LNX1: variants seen among roughly 807,000 people sequenced by gnomAD.
LNX1 encodes the protein E3 ubiquitin-protein ligase LNX.
LNX1 carries 54 observed loss-of-function variants against 68.4 expected under a neutral mutation model. The ratio of observed to expected loss-of-function variants is 0.79; its 90% confidence interval spans 0.63 to 0.99. The LOEUF is 0.99. Ranked by LOEUF, LNX1 falls within the 50% of genes least tolerant of loss-of-function variation. The pLI is 0.00. For synonymous variants in LNX1, 336 were observed against 350.0 expected (o/e 0.96, Z 0.45); for missense variants, 906 against 926.4 (o/e 0.98, Z 0.29).
chr4:53,485,059 G>A (rs955983728), intron 6 of LNX1, among the ~76,000 whole-genome samples: 1 of 152,224 alleles, frequency 6.6e-6, no homozygotes, highest in African/African-American at 2.4e-5. Flanking sequence ...CTGACATGAA[G>A]AACGATGGAA....
At chr4:53,514,810 C>T (rs1316131239) in intron 2 of LNX1, among the ~76,000 whole-genome samples, 1 of 152,158 alleles carries the variant, frequency 6.6e-6, no homozygotes, top group Admixed American at 6.5e-5. Context: ...TGTACTCAGA[C>T]TTTTCAAGCT....
intron 2 of LNX1, among the ~76,000 whole-genome samples, chr4:53,570,862 CTAAAA>C (rs1224399238): frequency 1.3e-5 from 2 of 151,460 alleles, no homozygotes; most frequent in Non-Finnish European, 1.5e-5. Context: ...CCCGTCTCTA[CTAAAA>C]GCACAAAAAA....
In LNX1 at chr4:53,591,372, G is replaced by A. The variant is rs1732496545; in HGVS notation, c.-87+16C>T. ...GTCTAAATGCCAAGAGAGAAAAATG[G>A]AGGGTTTCAACTCACCTCTTCAAGC... On this transcript the variant is annotated intron_variant, in intron 1 of 10. Coordinates refer to ENST00000263925, the MANE Select transcript of LNX1 (RefSeq NM_001126328.3). The A allele has an allele frequency of 1.0e-6, 1 of 985,174 alleles. No homozygotes were observed. The highest frequency in any genetic ancestry group is 1.7e-5 in the African/African-American group (1 of 57,198). 61.0% of individuals were successfully genotyped at this position (985,174 alleles called of 1,614,324 possible).
rs753747128 is a variant in LNX1, at chr4:53,496,360, T to C, written c.1013A>G (p.Asn338Ser). Reference sequence around the variant, plus strand: ...CTGCCGCAGGAGACGCACAGCGTAGTTGTGAGGGACATTGCTGATGTCCAT... The same window carrying C: ...CTGCCGCAGGAGACGCACAGCGTAGCTGTGAGGGACATTGCTGATGTCCAT... The part of the protein sequence containing the change: ...NGMDISNVPH[N>S]YAVRLLRQPC... Residue 338 changes from asparagine (N) to serine (S), a missense_variant, in exon 6 of 11, where the codon AAC becomes AGC. Asn to Ser is a conservative substitution (Grantham distance 46). Coordinates refer to ENST00000263925, the MANE Select transcript of LNX1 (RefSeq NM_001126328.3). The C allele has an allele frequency of 1.9e-6, 3 of 1,613,706 alleles. No individual in the cohort carries two copies. The Admixed American group carries it at 5.0e-5, about 27-fold the overall frequency.
chr4:53,494,353 C>CT (rs1024430143), intron 6 of LNX1, among the ~76,000 whole-genome samples: 8 of 152,186 alleles, frequency 5.3e-5, no homozygotes, highest in African/African-American at 1.9e-4. Flanking sequence ...TAAACCTCTT[C>CT]TTTTTAAATT....
chr4:53,608,338 A>G (rs1033678185), intron 2 of LNX1, among the ~76,000 whole-genome samples: 2 of 152,242 alleles, frequency 1.3e-5, no homozygotes, highest in African/African-American at 4.8e-5. Flanking sequence ...GAAGACATAC[A>G]AGCAGTCAAC....
intron 2 of LNX1, among the ~76,000 whole-genome samples, chr4:53,534,549 G>A (rs566289147): frequency 3.7e-4 from 56 of 152,230 alleles, no homozygotes; most frequent in African/African-American, 1.3e-3. Context: ...GGCTGAGGTG[G>A]GAGGATCACT....
intron 1 of LNX1, among the ~76,000 whole-genome samples, chr4:53,639,871 A>G (rs948673594): frequency 1.3e-5 from 2 of 152,112 alleles, no homozygotes; most frequent in Admixed American, 1.3e-4. Context: ...GTCTCTACTA[A>G]AAATAAAAAA....
intron 6 of LNX1, among the ~76,000 whole-genome samples, chr4:53,484,799 C>T (rs1403260141): frequency 6.6e-6 from 1 of 152,114 alleles, no homozygotes; most frequent in Admixed American, 6.5e-5. Context: ...AATGGATGAT[C>T]GGCCAGGTGA....
chr4:53,496,586 C>T, intron 5 of LNX1, 192 bp from the exon 6 acceptor site: 2 of 586,760 alleles, frequency 3.4e-6, no homozygotes, highest in South Asian at 2.6e-5. Flanking sequence ...CCTGCAGCAC[C>T]TCTCCAGGCC....
intron 2 of LNX1, among the ~76,000 whole-genome samples, chr4:53,508,567 T>C (rs1320171858): frequency 6.6e-6 from 1 of 152,232 alleles, no homozygotes; most frequent in East Asian, 1.9e-4. Context: ...TGGTAATTCC[T>C]GCTTGCTGGT....
At chr4:53,507,531 A>C in intron 3 of LNX1, 62 bp from the exon 4 acceptor site, 1 of 1,535,650 alleles carries the variant, frequency 6.5e-7, no homozygotes, top group Non-Finnish European at 9.0e-7. Flanking sequence ...ATTTATGTAC[A>C]TATCTGATAA....
At chr4:53,498,294 TA>T (rs1362514818) in intron 5 of LNX1, among the ~76,000 whole-genome samples, 1 of 151,872 alleles carries the variant, frequency 6.6e-6, no homozygotes, top group Non-Finnish European at 1.5e-5. Flanking sequence ...TAATGCTCTT[TA>T]AAAAAAGAGA....
chr4:53,635,846 A>G (rs1309098683), intron 1 of LNX1, among the ~76,000 whole-genome samples: 2 of 152,234 alleles, frequency 1.3e-5, no homozygotes, highest in Non-Finnish European at 2.9e-5. Flanking sequence ...ACAAATGAAT[A>G]CAAATATATG....
chr4:53,556,994 G>A (rs1156372674), intron 2 of LNX1, among the ~76,000 whole-genome samples: 5 of 152,178 alleles, frequency 3.3e-5, no homozygotes, highest in African/African-American at 1.2e-4. Context: ...TCATAAGGAG[G>A]AATACATTTT....
intron 2 of LNX1, among the ~76,000 whole-genome samples, chr4:53,533,386 C>T (rs1728149686): frequency 6.6e-6 from 1 of 152,188 alleles, no homozygotes; most frequent in Non-Finnish European, 1.5e-5. Context: ...CCCAAAGAGA[C>T]ATCTGACAAT....
intron 2 of LNX1, among the ~76,000 whole-genome samples, chr4:53,614,082 T>G (rs1413889654): frequency 6.6e-6 from 1 of 152,246 alleles, no homozygotes; most frequent in African/African-American, 2.4e-5. Context: ...GATGAGCTTC[T>G]TTTCATACGA....
intron 9 of LNX1, among the ~76,000 whole-genome samples, chr4:53,464,545 G>A (rs963352327): frequency 2.4e-4 from 36 of 152,118 alleles, no homozygotes; most frequent in African/African-American, 8.4e-4. Context: ...ATAATTCTGT[G>A]TTCAACTTTT....
intron 1 of LNX1, among the ~76,000 whole-genome samples, chr4:53,640,926 C>T (rs914568354): frequency 6.6e-6 from 1 of 152,198 alleles, no homozygotes; most frequent in Non-Finnish European, 1.5e-5. Context: ...GTCTCGTCGG[C>T]AGTCCTTCCG....
Sources: gnomAD v4.1 joint callset for allele counts (sites outside exome capture counted in the v4.1 genomes callset) on GRCh38, gnomAD v4.1.1 for gene constraint, MANE v1.5 for transcripts, NCBI Gene and HGNC (gene_info 2026-07-23, HGNC 2026-07-21) for gene names.